Variants in GSG1L observed in about 807,000 individuals in gnomAD.
GSG1L encodes GSG1 like, also known as germ cell-specific gene 1-like protein.
A neutral mutation model predicts 42.1 loss-of-function variants in GSG1L; 24 were observed. That is an observed-to-expected ratio of 0.57 (90% CI 0.41 to 0.80). The LOEUF (loss-of-function observed/expected upper bound fraction) is 0.80. Ranked by LOEUF, GSG1L falls within the 30% of genes least tolerant of loss-of-function variation. The pLI is 0.00. For synonymous variants in GSG1L, 215 were observed against 203.5 expected, an observed-to-expected ratio of 1.06 and a Z score of -0.48; for missense variants, 445 against 472.2, an observed-to-expected ratio of 0.94 and a Z score of 0.53.
At chr16:27,890,971 C>G (rs974889273) in intron 2 of GSG1L, among the ~76,000 whole-genome samples, 1 of 152,126 alleles carries the variant, frequency 6.6e-6, no homozygotes, top group African/African-American at 2.4e-5. Context: ...GCCCACGGCC[C>G]TTGGGGGCAC....
intron 6 of GSG1L, among the ~76,000 whole-genome samples, chr16:27,794,611 T>C (rs1468153428): frequency 6.6e-6 from 1 of 152,110 alleles, no homozygotes; most frequent in Non-Finnish European, 1.5e-5. Flanking sequence ...GATTACAGGC[T>C]TGAGCCACCG....
At chr16:27,943,021 G>A (rs547516697) in intron 2 of GSG1L, among the ~76,000 whole-genome samples, 1 of 152,126 alleles carries the variant, frequency 6.6e-6, no homozygotes, top group African/African-American at 2.4e-5. Context: ...TCCGTAGTGG[G>A]ACTTGAGAAT....
intron 2 of GSG1L, among the ~76,000 whole-genome samples, chr16:27,934,523 A>G (rs1373951080): frequency 6.6e-6 from 1 of 152,150 alleles, no homozygotes; most frequent in Non-Finnish European, 1.5e-5. Context: ...TGACAGAGTG[A>G]GACTCTGTCT....
At chr16:28,061,771 C>T (rs531144604) in intron 1 of GSG1L, among the ~76,000 whole-genome samples, 3 of 152,300 alleles carry the variant, frequency 2.0e-5, no homozygotes, top group African/African-American at 7.2e-5. Context: ...CTCCCTCCAA[C>T]GGGGAGCTCA....
chr16:27,922,116 T>C (rs1343875681), intron 2 of GSG1L, among the ~76,000 whole-genome samples: 1 of 151,654 alleles, frequency 6.6e-6, no homozygotes, highest in Admixed American at 6.6e-5. Flanking sequence ...ACCATGCACA[T>C]GTGCCTCTCC....
intron 1 of GSG1L, among the ~76,000 whole-genome samples, chr16:28,038,516 A>C (rs1258398029): frequency 2.6e-5 from 4 of 152,024 alleles, no homozygotes; most frequent in Admixed American, 2.0e-4. Context: ...GGTGGAGGGA[A>C]GTGGGGACGT....
At chr16:27,934,770 T>A (rs2084695720) in intron 2 of GSG1L, among the ~76,000 whole-genome samples, 1 of 152,042 alleles carries the variant, frequency 6.6e-6, no homozygotes, top group South Asian at 2.1e-4. Context: ...AGTTTACCCA[T>A]CTGAAAAATG....
chr16:27,932,095 C>G (rs565715735), intron 2 of GSG1L, among the ~76,000 whole-genome samples: 2 of 152,160 alleles, frequency 1.3e-5, no homozygotes, highest in Non-Finnish European at 2.9e-5. Flanking sequence ...TTCTGTCACC[C>G]AGGCTGGAGT....
intron 3 of GSG1L, among the ~76,000 whole-genome samples, chr16:27,863,635 C>A (rs1381506063): frequency 6.6e-6 from 1 of 152,220 alleles, no homozygotes; most frequent in Admixed American, 6.5e-5. Flanking sequence ...CCCAGAGGTA[C>A]AGCTGGGCTT....
At chr16:27,962,197 C>T (rs1439099384) in intron 2 of GSG1L, among the ~76,000 whole-genome samples, 1 of 152,216 alleles carries the variant, frequency 6.6e-6, no homozygotes, top group Non-Finnish European at 1.5e-5. Flanking sequence ...TCCATAATAA[C>T]AAAACTCCTG....
In GSG1L at chr16:27,828,719, TG is replaced by T. The variant is rs561871719; in HGVS notation, c.830+69del. On this transcript the variant is annotated intron_variant, in intron 5 of 6. Coordinates refer to ENST00000447459, the MANE Select transcript of GSG1L (RefSeq NM_001109763.2). ...ATTCCAGTTTTTGACTGGGGCCCGG[TG>T]GCCACTGAGGCCAGGCCGTGGGCTT... is the stretch of plus-strand genomic sequence containing the variant. 1.4e-4 allele frequency: 205 copies of T among 1,463,784 alleles called. No individual in the cohort carries two copies. In the African/African-American group the frequency reaches 2.6e-3, roughly 18 times the overall value. The allele number at this position is 1,463,784 out of a possible 1,614,324, so 90.7% of individuals were successfully genotyped here.
intron 1 of GSG1L, among the ~76,000 whole-genome samples, chr16:28,049,482 A>G (rs2086199449): frequency 6.6e-6 from 1 of 151,820 alleles, no homozygotes; most frequent in South Asian, 2.1e-4. Flanking sequence ...GAAGTTCAAG[A>G]CCAGCCTGAG....
Position 28,056,724 on chromosome 16 carries a change from C to T in GSG1L, c.349+6352G>A, listed in dbSNP as rs577730142. Among the ~76,000 whole-genome samples the T allele has an allele frequency of 7.2e-5, 11 of 152,182 alleles. No homozygotes were observed. In the South Asian group the frequency reaches 2.3e-3, roughly 32 times the overall value. On this transcript the variant is annotated intron_variant, in intron 1 of 6. Coordinates refer to ENST00000447459, the MANE Select transcript of GSG1L (RefSeq NM_001109763.2). ...GAGTCCTACGGCATTGAAGTGTCAG[C>T]TCATCTAGGCTCTGGGGGCAGCACG...
chr16:27,797,872 T>TGTAGCAACATGTACCA (rs2082837789), intron 6 of GSG1L, among the ~76,000 whole-genome samples: 1 of 150,674 alleles, frequency 6.6e-6, no homozygotes, highest in Non-Finnish European at 1.5e-5. Context: ...AATCCTGTCT[T>TGTAGCAACATGTACCA]TCGTAGCAAC....
At chr16:27,900,200 G>C (rs1289659287) in intron 2 of GSG1L, among the ~76,000 whole-genome samples, 1 of 152,212 alleles carries the variant, frequency 6.6e-6, no homozygotes, top group Non-Finnish European at 1.5e-5. Flanking sequence ...TGAACCTGCG[G>C]GGTGAGACAC....
chr16:27,902,702 C>T (rs1239617622), intron 2 of GSG1L, among the ~76,000 whole-genome samples: 1 of 152,200 alleles, frequency 6.6e-6, no homozygotes, highest in African/African-American at 2.4e-5. Flanking sequence ...CACATCCCAC[C>T]TCCTCCGCTT....
At chr16:28,042,806 A>G (rs1042220678) in intron 1 of GSG1L, among the ~76,000 whole-genome samples, 11 of 152,224 alleles carry the variant, frequency 7.2e-5, no homozygotes, top group Admixed American at 7.2e-4. Flanking sequence ...CGTCCCTAAG[A>G]AAATATAAAC....
intron 6 of GSG1L, among the ~76,000 whole-genome samples, chr16:27,795,719 C>A (rs570789735): frequency 1.1e-4 from 17 of 152,152 alleles, no homozygotes; most frequent in Non-Finnish European, 2.5e-4. Context: ...CTGGGAACCT[C>A]CCAAGGTTAG....
chr16:27,981,047 C>A (rs2085321217), intron 1 of GSG1L, among the ~76,000 whole-genome samples: 2 of 152,136 alleles, frequency 1.3e-5, no homozygotes, highest in Admixed American at 6.5e-5. Context: ...TTTGGTCATT[C>A]CTCTGTACTA....
Sources: gnomAD v4.1 joint callset for allele counts (sites outside exome capture counted in the v4.1 genomes callset) on GRCh38, gnomAD v4.1.1 for gene constraint, MANE v1.5 for transcripts, NCBI Gene and HGNC (gene_info 2026-07-23, HGNC 2026-07-21) for gene names.